The following MRTFB variants were observed in gnomAD, a reference collection of about 807,000 sequenced individuals.
MRTFB encodes myocardin related transcription factor B.
In MRTFB, 29 loss-of-function variants were observed where a neutral mutation model predicts 104.2. That is an observed-to-expected ratio of 0.28 (90% CI 0.21 to 0.38). The LOEUF (loss-of-function observed/expected upper bound fraction) is 0.38, where lower values mean the gene tolerates loss of function less well. Among genes scored for constraint, MRTFB ranks in the 10% least tolerant of loss-of-function variants. The pLI, the probability that MRTFB is intolerant of heterozygous loss-of-function variation, is 1.00. For missense variants in MRTFB, 1,270 were observed against 1,341.6 expected (o/e 0.95, Z 0.83); for synonymous variants, 535 against 519.5 (o/e 1.03, Z -0.41).
intron 3 of MRTFB, among the ~76,000 whole-genome samples, chr16:14,180,432 A>G (rs1388706221): frequency 6.6e-6 from 1 of 152,240 alleles, no homozygotes; most frequent in Non-Finnish European, 1.5e-5. Flanking sequence ...TTGTATTTAT[A>G]TAAGTAACTA....
chr16:14,145,362 A>T (rs1290499480), intron 3 of MRTFB, among the ~76,000 whole-genome samples: 2 of 152,134 alleles, frequency 1.3e-5, no homozygotes, highest in Non-Finnish European at 2.9e-5. Context: ...AAAAATGGAG[A>T]TATTTCAGTT....
intron 12 of MRTFB, chr16:14,248,088 A>G (rs551797190): frequency 2.6e-5 from 4 of 152,936 alleles, no homozygotes; most frequent in African/African-American, 9.6e-5. Context: ...AACTAAGGAA[A>G]ACATGACCAC....
rs555494642 is a variant in MRTFB at position 14,100,467 on chromosome 16, T to C, written c.-64+21113T>C. ...AAACCCCATTTGGTCATGTACCTTT[T>C]CTTATGTGTTGAATTTAATTTGTTA... is the stretch of plus-strand genomic sequence containing the variant. On this transcript the variant is annotated intron_variant, in intron 2 of 16. Transcript: ENST00000571589. Among the ~76,000 whole-genome samples, 11 of 152,336 alleles carry C rather than the reference T, an allele frequency of 7.2e-5. No homozygotes were observed. In the South Asian group the frequency reaches 2.3e-3, roughly 32 times the overall value.
chr16:14,157,161 T>G (rs1312969443), intron 3 of MRTFB, among the ~76,000 whole-genome samples: 1 of 152,248 alleles, frequency 6.6e-6, no homozygotes, highest in East Asian at 1.9e-4. Flanking sequence ...TAATAGGGAA[T>G]ATCAGAGTGA....
chr16:14,022,403 C>T, the MRTFB span, among the ~76,000 whole-genome samples: 192 of 152,222 alleles, frequency 1.3e-3, 1 homozygote, highest in African/African-American at 4.4e-3. Flanking sequence ...ATGCAAAAAG[C>T]ATTTCTTTTT....
intron 2 of MRTFB, among the ~76,000 whole-genome samples, chr16:14,139,058 G>T (rs2142546417): frequency 6.6e-6 from 1 of 151,680 alleles, no homozygotes; most frequent in South Asian, 2.1e-4. Context: ...ATCCATAAAA[G>T]AAAAAAAATT....
intron 2 of MRTFB, among the ~76,000 whole-genome samples, chr16:14,097,569 CAG>C (rs1567318795): frequency 1.3e-5 from 2 of 152,160 alleles, no homozygotes; most frequent in African/African-American, 2.4e-5. Flanking sequence ...TTTTTGTAAA[CAG>C]CTTTATTGAG....
intron 2 of MRTFB, among the ~76,000 whole-genome samples, chr16:14,122,553 T>C (rs563715285): frequency 1.3e-5 from 2 of 152,286 alleles, no homozygotes; most frequent in Admixed American, 6.5e-5. Context: ...TCTGTTCTTA[T>C]GTTAGTTTGC....
chr16:14,215,364 C>A (rs757872731), intron 6 of MRTFB, among the ~76,000 whole-genome samples: 8 of 152,116 alleles, frequency 5.3e-5, no homozygotes, highest in Non-Finnish European at 1.0e-4. Flanking sequence ...TTAACATTAA[C>A]CCGATTTTGA....
chr16:14,252,151 T>A (rs2043281912), intron 14 of MRTFB, 128 bp downstream of exon 14: 2 of 1,263,530 alleles, frequency 1.6e-6, no homozygotes, highest in Non-Finnish European at 2.2e-6. Flanking sequence ...CAGTGATAAC[T>A]TGTGAAGGAG....
intron 2 of MRTFB, among the ~76,000 whole-genome samples, chr16:14,084,360 G>C (rs1452708368): frequency 6.6e-6 from 1 of 152,116 alleles, no homozygotes; most frequent in Non-Finnish European, 1.5e-5. Context: ...CAATAACATA[G>C]TGAAATCCCA....
At position 14,218,936 on chromosome 16, in the gene MRTFB, T is replaced by A. The variant is rs775526616; in HGVS notation, c.631T>A (p.Ser211Thr). The change falls in exon 8 of 17, where the codon TCC (serine) becomes ACC (threonine). Residue 211 changes from serine to threonine, a missense_variant. This residue lies in a region of MRTFB where 1,144 missense variants were observed against 1,131.5 expected (regional missense o/e 1.01). Coordinates refer to ENST00000571589, the MANE Select transcript of MRTFB (RefSeq NM_001308142.2). ...TCAGGAGTCACAGGGGTCAGCCGCG[T>A]CCCCAAGTGAGCCAAAAGTTAGTGA... is the stretch of plus-strand genomic sequence containing the variant. ...ASQESQGSAA[S>T]PSEPKVSESP... The A allele has an allele frequency of 1.3e-5, 21 of 1,614,032 alleles. No homozygotes were observed. Among genetic ancestry groups the A allele is most frequent in the Non-Finnish European group, 1.7e-5 (20 of 1,179,976 alleles).
At chr16:14,063,438 A>G in the MRTFB span, among the ~76,000 whole-genome samples, 1 of 152,168 alleles carries the variant, frequency 6.6e-6, no homozygotes, top group Admixed American at 6.6e-5. Flanking sequence ...TGGTGTATGT[A>G]TTATGTCGTC....
chr16:14,247,071 T>G lies in MRTFB; in HGVS notation c.1811T>G (p.Val604Gly), dbSNP rs773148811. ...GAAGTGCTGAAAATGCAACTTGAGGTTGAAAAACGAGGGCAGCAGCAGCGG... is the reference window on the plus strand; with the variant it reads ...GAAGTGCTGAAAATGCAACTTGAGGGTGAAAAACGAGGGCAGCAGCAGCGG... ...LVEVLKMQLEVEKRGQQQRPL... is the reference protein window; with the variant it reads ...LVEVLKMQLEGEKRGQQQRPL... Residue 604 changes from valine to glycine, a missense_variant, in exon 12 of 17, where the codon GTT (valine) becomes GGT (glycine). Physicochemically the swap from Val to Gly is moderately radical, Grantham distance 109. This residue lies in a region of MRTFB where 1,144 missense variants were observed against 1,131.5 expected (regional missense o/e 1.01). Transcript: ENST00000571589. 8.1e-6 allele frequency: 13 copies of G among 1,613,926 alleles called. No individual in the cohort carries two copies. Among genetic ancestry groups the G allele is most frequent in the Non-Finnish European group, 1.1e-5 (13 of 1,179,976 alleles).
intron 3 of MRTFB, among the ~76,000 whole-genome samples, chr16:14,182,205 G>T (rs1331841676): frequency 2.0e-5 from 3 of 152,182 alleles, no homozygotes; most frequent in Non-Finnish European, 4.4e-5. Flanking sequence ...CATTCCAAAA[G>T]GCATTGTGTG....
intron 3 of MRTFB, among the ~76,000 whole-genome samples, chr16:14,194,789 T>C (rs1011359337): frequency 2.0e-5 from 3 of 151,996 alleles, no homozygotes; most frequent in African/African-American, 4.8e-5. Flanking sequence ...CTGTGTGATC[T>C]TGGATAAATG....
chr16:14,205,706 ACACT>A (rs1402120189), intron 3 of MRTFB, among the ~76,000 whole-genome samples: 3 of 152,338 alleles, frequency 2.0e-5, no homozygotes, highest in Non-Finnish European at 4.4e-5. Flanking sequence ...AAGGATGTAC[ACACT>A]CAGTGTTTTG....
rs781596060 is a variant in MRTFB, at chr16:14,252,450, G to A, written c.2651G>A (p.Arg884His). The change falls in exon 15 of 17, where the codon CGC becomes CAC. Residue 884 changes from arginine to histidine, a missense_variant. Arg to His is a conservative substitution (Grantham distance 29). Around this residue, in one of 3 missense-constraint regions of MRTFB, gnomAD observed 1,144 missense variants for 1,131.5 expected, o/e 1.01. Transcript: ENST00000571589. ...SPVAKTKDPPRYEEAIKQTRS... is the reference protein window; with the variant it reads ...SPVAKTKDPPHYEEAIKQTRS... ...GTCGCCAAGACAAAAGATCCCCCCCGCTATGAGGAGGCCATCAAGCAGACA... is the reference window on the plus strand; with the variant it reads ...GTCGCCAAGACAAAAGATCCCCCCCACTATGAGGAGGCCATCAAGCAGACA... 1.5e-5 allele frequency: 25 copies of A among 1,612,978 alleles called. No individual in the cohort carries two copies. The highest frequency in any genetic ancestry group is 4.4e-5 in the South Asian group (4 of 90,994).
chr16:14,165,831 C>A (rs4780555), intron 3 of MRTFB, among the ~76,000 whole-genome samples: 1 of 152,170 alleles, frequency 6.6e-6, no homozygotes, highest in African/African-American at 2.4e-5. Context: ...ATTACTGTTA[C>A]ATGTATCTTT....
Sources: allele counts gnomAD v4.1 joint callset (sites outside exome capture counted in the v4.1 genomes callset), GRCh38; gene constraint gnomAD v4.1.1; regional missense constraint gnomAD v4.1.1; transcripts MANE v1.5; gene names NCBI Gene and HGNC (gene_info 2026-07-23, HGNC 2026-07-21).